The following CHN2 variants were observed in gnomAD, a reference collection of about 807,000 sequenced individuals.
The protein encoded by CHN2 is chimerin 2.
In CHN2, 35 loss-of-function variants were observed where a neutral mutation model predicts 56.3. The ratio of observed to expected loss-of-function variants is 0.62; its 90% CI spans 0.47 to 0.82. CHN2 has a LOEUF of 0.82. CHN2 is among the 40% of genes least tolerant of loss of function. The pLI is 0.00. For missense variants in CHN2, 491 were observed against 580.5 expected, an observed-to-expected ratio of 0.85 and a Z score of 1.58; for synonymous variants, 210 against 212.8, an observed-to-expected ratio of 0.99 and a Z score of 0.12.
intron 2 of CHN2, among the ~76,000 whole-genome samples, chr7:29,158,205 G>C (rs570969801): frequency 6.6e-6 from 1 of 152,322 alleles, no homozygotes; most frequent in East Asian, 1.9e-4. Flanking sequence ...CGGAATGAAT[G>C]AATGTCTACA....
At chr7:29,147,619 G>A (rs1482253905) in intron 2 of CHN2, among the ~76,000 whole-genome samples, 3 of 152,140 alleles carry the variant, frequency 2.0e-5, no homozygotes, top group Non-Finnish European at 4.4e-5. Flanking sequence ...CTCAGTGACT[G>A]CAGTCATTCT....
chr7:29,277,885 C>T (rs1791363188), intron 1 of CHN2, among the ~76,000 whole-genome samples: 1 of 152,170 alleles, frequency 6.6e-6, no homozygotes. Context: ...TGCCAGAGCT[C>T]CACACACATT....
In CHN2 at chr7:29,306,968, C is replaced by G. The variant is rs572982457; in HGVS notation, c.50-47657C>G. Among the ~76,000 whole-genome samples the G allele has an allele frequency of 6.6e-5, 10 of 152,324 alleles. No homozygotes were observed. The South Asian group carries it at 2.1e-3, about 32-fold the overall frequency. On this transcript the variant is annotated intron_variant, in intron 1 of 12. Transcript: ENST00000222792. The stretch of plus-strand genomic sequence containing the variant: ...AAGATGTGACTAGTAACGTCCAAGC[C>G]TCCTTCCTCTTAAGAGTATGATTTT...
At chr7:29,249,191 C>T (rs1788301528) in intron 1 of CHN2, among the ~76,000 whole-genome samples, 1 of 152,168 alleles carries the variant, frequency 6.6e-6, no homozygotes, top group South Asian at 2.1e-4. Flanking sequence ...GGTAGCATGG[C>T]TCAGTCCAAG....
chr7:29,218,578 A>C (rs1017584635), intron 1 of CHN2, among the ~76,000 whole-genome samples: 1 of 152,166 alleles, frequency 6.6e-6, no homozygotes, highest in Non-Finnish European at 1.5e-5. Flanking sequence ...GATAGACTGG[A>C]TTAAGAAAAT....
At chr7:29,194,401 C>G (rs1746769132), upstream of CHN2, 1 of 152,504 alleles carries the variant, frequency 6.6e-6, no homozygotes, top group Admixed American at 6.5e-5. Flanking sequence ...CCCGAGCGAC[C>G]GCGTCTCCTC....
In CHN2 at chr7:29,439,447, C is replaced by T. The variant is rs563719817; in HGVS notation, c.576+38619C>T. 8.5e-5 allele frequency among the ~76,000 whole-genome samples: 13 copies of T among 152,326 alleles called. No individual in the cohort carries two copies. In the East Asian group the frequency reaches 2.5e-3, roughly 29 times the overall value. On this transcript the variant is annotated intron_variant, in intron 6 of 12. Coordinates refer to ENST00000222792, the MANE Select transcript of CHN2 (RefSeq NM_004067.4). ...GGCTTTGCATGTCTGGTGTTCTCTG[C>T]CTGGGGTCTTCTTCCCCACAAGATC...
intron 4 of CHN2, among the ~76,000 whole-genome samples, chr7:29,395,717 T>C (rs892949314): frequency 6.6e-6 from 1 of 152,188 alleles, no homozygotes; most frequent in Non-Finnish European, 1.5e-5. Context: ...GTTGGAGATA[T>C]TTGGACTTTT....
At chr7:29,237,582 T>G (rs1257572426) in intron 1 of CHN2, among the ~76,000 whole-genome samples, 2 of 152,182 alleles carry the variant, frequency 1.3e-5, no homozygotes, top group Non-Finnish European at 2.9e-5. Context: ...GTAAGTGCCT[T>G]TGCCAGAAAC....
intron 1 of CHN2, among the ~76,000 whole-genome samples, chr7:29,270,503 A>AG (rs1790535982): frequency 6.6e-6 from 1 of 151,070 alleles, no homozygotes; most frequent in Non-Finnish European, 1.5e-5. Context: ...AAAAAAAAAA[A>AG]AAAAAAAAAA....
chr7:29,319,530 T>C (rs1194241029), intron 1 of CHN2, among the ~76,000 whole-genome samples: 2 of 152,184 alleles, frequency 1.3e-5, no homozygotes, highest in African/African-American at 2.4e-5. Flanking sequence ...TAATTTAACA[T>C]CCTGTGGACA....
chr7:29,376,070 T>C lies in CHN2; in HGVS notation c.144+8083T>C, dbSNP rs564584768. 1.2e-3 allele frequency among the ~76,000 whole-genome samples: 185 copies of C among 152,362 alleles called. 6 individuals are homozygous for C. In the South Asian group the frequency reaches 0.028, roughly 23 times the overall value. On this transcript the variant is annotated intron_variant, in intron 3 of 12. Transcript: ENST00000222792. ...GCGTGTGGCCTGTCCAACCAAGCAC[T>C]GAGAGGCTTGGACGTAGATTTCTGA...
At position 29,247,414 on chromosome 7, in the gene CHN2, C is replaced by T. The variant is rs141403452; in HGVS notation, c.49+52424C>T. On this transcript the variant is annotated intron_variant, in intron 1 of 12. Coordinates refer to ENST00000222792, the MANE Select transcript of CHN2 (RefSeq NM_004067.4). ...CTCCGGCACTCAGGGAAGTGGCTGC[C>T]CACACCCTCCACAGAATCAGGTGCC... Among the ~76,000 whole-genome samples, 432 of 152,302 alleles carry T rather than the reference C, an allele frequency of 2.8e-3. 1 individual carries two copies. Among genetic ancestry groups the T allele is most frequent in the Non-Finnish European group, 4.5e-3 (308 of 68,020 alleles).
intron 1 of CHN2, among the ~76,000 whole-genome samples, chr7:29,238,349 G>T (rs964936991): frequency 6.6e-6 from 1 of 152,074 alleles, no homozygotes; most frequent in Non-Finnish European, 1.5e-5. Flanking sequence ...AAAACTTCGG[G>T]TCTGTTATGT....
intron 1 of CHN2, among the ~76,000 whole-genome samples, chr7:29,207,815 C>T (rs918216573): frequency 3.9e-5 from 6 of 152,112 alleles, no homozygotes; most frequent in African/African-American, 7.2e-5. Context: ...CACAACAGAT[C>T]ACGGTATTGT....
intron 6 of CHN2, among the ~76,000 whole-genome samples, chr7:29,412,985 G>A (rs1315153963): frequency 6.6e-6 from 1 of 152,210 alleles, no homozygotes; most frequent in African/African-American, 2.4e-5. Context: ...AAATGAAACT[G>A]TCAGGGCTAC....
intron 1 of CHN2, among the ~76,000 whole-genome samples, chr7:29,353,283 T>C (rs78524929): frequency 0.015 from 2,347 of 152,290 alleles, 62 homozygotes; most frequent in African/African-American, 0.05. Flanking sequence ...CTTGAGTTAG[T>C]TTTTATTTAT....
At chr7:29,244,824 T>G (rs1787947576) in intron 1 of CHN2, among the ~76,000 whole-genome samples, 1 of 152,204 alleles carries the variant, frequency 6.6e-6, no homozygotes, top group Non-Finnish European at 1.5e-5. Flanking sequence ...GCGTGAACTC[T>G]CCCTCTATAT....
chr7:29,358,691 C>T (rs913628947), intron 2 of CHN2, among the ~76,000 whole-genome samples: 2 of 152,126 alleles, frequency 1.3e-5, no homozygotes, highest in Non-Finnish European at 2.9e-5. Flanking sequence ...GTCTCGATCT[C>T]CTGACCTCGT....
Sources: gnomAD v4.1 joint callset for allele counts (sites outside exome capture counted in the v4.1 genomes callset) on GRCh38, gnomAD v4.1.1 for gene constraint, MANE v1.5 for transcripts, NCBI Gene and HGNC (gene_info 2026-07-23, HGNC 2026-07-21) for gene names.